Variants in AGBL4 observed in about 807,000 individuals in gnomAD.
AGBL4 encodes the protein AGBL carboxypeptidase 4.
A neutral mutation model predicts 66.4 loss-of-function variants in AGBL4; 58 were observed. The ratio of observed to expected loss-of-function variants is 0.87; its 90% CI spans 0.71 to 1.09. The LOEUF is 1.09. Among genes scored for constraint, AGBL4 ranks in the 50% least tolerant of loss-of-function variants. AGBL4 has a pLI of 0.00. For missense variants in AGBL4, 579 were observed against 631.0 expected, an observed-to-expected ratio of 0.92 and a Z score of 0.88; for synonymous variants, 234 against 222.9, an observed-to-expected ratio of 1.05 and a Z score of -0.44.
chr1:49,699,935 G>C (rs1647055552), intron 2 of AGBL4, among the ~76,000 whole-genome samples: 1 of 151,754 alleles, frequency 6.6e-6, no homozygotes, highest in Non-Finnish European at 1.5e-5. Flanking sequence ...AACTATATGA[G>C]ATAATGAATA....
chr1:49,439,785 C>A (rs1324069120), intron 3 of AGBL4, among the ~76,000 whole-genome samples: 1 of 152,188 alleles, frequency 6.6e-6, no homozygotes, highest in African/African-American at 2.4e-5. Context: ...ACATCAGATG[C>A]CAAGTTCTTC....
chr1:48,970,749 G>A (rs961612581), intron 5 of AGBL4, among the ~76,000 whole-genome samples: 1 of 152,034 alleles, frequency 6.6e-6, no homozygotes, highest in African/African-American at 2.4e-5. Context: ...GCCTTTCCGC[G>A]ACACATATGT....
intron 4 of AGBL4, among the ~76,000 whole-genome samples, chr1:49,075,411 A>C (rs1644690742): frequency 6.6e-6 from 1 of 152,190 alleles, no homozygotes; most frequent in Admixed American, 6.5e-5. Context: ...CCAAAAAATA[A>C]AAATAAATAA....
intron 5 of AGBL4, among the ~76,000 whole-genome samples, chr1:48,981,406 C>A (rs1357243998): frequency 1.3e-5 from 2 of 152,078 alleles, no homozygotes; most frequent in African/African-American, 4.8e-5. Flanking sequence ...TCATTATCCT[C>A]ATTTCTCCAA....
At chr1:49,654,587 C>T (rs191676335) in intron 3 of AGBL4, among the ~76,000 whole-genome samples, 116 of 152,228 alleles carry the variant, frequency 7.6e-4, no homozygotes, top group African/African-American at 2.7e-3. Context: ...TAAGGACTTG[C>T]TTTATGAATC....
chr1:49,631,579 C>A (rs1211193501), intron 3 of AGBL4, among the ~76,000 whole-genome samples: 1 of 152,094 alleles, frequency 6.6e-6, no homozygotes, highest in Non-Finnish European at 1.5e-5. Flanking sequence ...CACCTTGTGC[C>A]AGGAAATATT....
At chr1:49,294,377 G>A (rs1350582013) in intron 3 of AGBL4, among the ~76,000 whole-genome samples, 2 of 152,138 alleles carry the variant, frequency 1.3e-5, no homozygotes, top group Non-Finnish European at 2.9e-5. Flanking sequence ...ACATCATGGG[G>A]AATAAACTGA....
chr1:49,809,835 G>A (rs1193467017), intron 2 of AGBL4, among the ~76,000 whole-genome samples: 1 of 152,042 alleles, frequency 6.6e-6, no homozygotes, highest in Admixed American at 6.6e-5. Context: ...ACTGCTGCTG[G>A]GAAGTTATAA....
intron 1 of AGBL4, among the ~76,000 whole-genome samples, chr1:49,875,658 T>C (rs1268031106): frequency 1.4e-4 from 21 of 148,084 alleles, no homozygotes; most frequent in South Asian, 4.4e-4. Context: ...TTATAGTCAT[T>C]TGGGTATATA....
intron 3 of AGBL4, among the ~76,000 whole-genome samples, chr1:49,291,400 T>A (rs1194524678): frequency 1.3e-5 from 2 of 152,188 alleles, no homozygotes; most frequent in African/African-American, 2.4e-5. Flanking sequence ...ATGTTTTTCA[T>A]GAGCATAGAC....
intron 3 of AGBL4, among the ~76,000 whole-genome samples, chr1:49,644,115 G>A (rs993382441): frequency 4.0e-4 from 61 of 151,662 alleles, no homozygotes; most frequent in African/African-American, 1.5e-3. Context: ...TACACAATAA[G>A]TGGCATAATA....
At position 49,520,918 on chromosome 1, in the gene AGBL4, C is replaced by T. The variant is rs578041366; in HGVS notation, c.282+176395G>A. Among the ~76,000 whole-genome samples, 166 of 151,606 alleles carry T rather than the reference C, an allele frequency of 1.1e-3. 3 individuals carry two copies. In the Middle Eastern group the frequency reaches 0.017, roughly 16 times the overall value. On this transcript the variant is annotated intron_variant, in intron 3 of 13. Coordinates refer to ENST00000371839, the MANE Select transcript of AGBL4 (RefSeq NM_032785.4). Reference sequence around the variant, plus strand: ...TTGTCTCCTGAGTTCAAGCAATTCTCCTGCCTCAGCCTCCCGAGTAGCTGG... The same window carrying T: ...TTGTCTCCTGAGTTCAAGCAATTCTTCTGCCTCAGCCTCCCGAGTAGCTGG...
intron 6 of AGBL4, among the ~76,000 whole-genome samples, chr1:48,734,704 T>C (rs917558882): frequency 1.3e-5 from 2 of 152,216 alleles, no homozygotes; most frequent in South Asian, 4.1e-4. Flanking sequence ...CACATCCAGA[T>C]TGCAGCTCAA....
chr1:48,553,411 C>T (rs1161271658), intron 11 of AGBL4, among the ~76,000 whole-genome samples: 3 of 152,092 alleles, frequency 2.0e-5, no homozygotes, highest in Non-Finnish European at 4.4e-5. Context: ...CTTGGAGTGG[C>T]GGAGAAGAGA....
chr1:49,523,620 A>C (rs945515400), intron 3 of AGBL4, among the ~76,000 whole-genome samples: 1 of 152,122 alleles, frequency 6.6e-6, no homozygotes, highest in Non-Finnish European at 1.5e-5. Flanking sequence ...CTATATTCTG[A>C]AAAGACCCTT....
chr1:48,982,474 G>C (rs1177818001), intron 5 of AGBL4, among the ~76,000 whole-genome samples: 1 of 151,918 alleles, frequency 6.6e-6, no homozygotes, highest in Non-Finnish European at 1.5e-5. Flanking sequence ...GTGATAGTTT[G>C]CTGAGAATGA....
chr1:49,411,149 T>C (rs1645306677), intron 3 of AGBL4, among the ~76,000 whole-genome samples: 1 of 152,190 alleles, frequency 6.6e-6, no homozygotes, highest in Admixed American at 6.5e-5. Flanking sequence ...CAGCCTTCAG[T>C]CTGTGGCTGA....
intron 2 of AGBL4, among the ~76,000 whole-genome samples, chr1:49,822,233 T>C (rs1221881256): frequency 2.0e-5 from 3 of 152,182 alleles, no homozygotes; most frequent in Non-Finnish European, 4.4e-5. Flanking sequence ...AAAGGTATAT[T>C]TCCATCCGGG....
chr1:49,801,671 GCT>G (rs1409640510), intron 2 of AGBL4, among the ~76,000 whole-genome samples: 1 of 152,084 alleles, frequency 6.6e-6, no homozygotes, highest in Non-Finnish European at 1.5e-5. Context: ...TTGCTTTTCT[GCT>G]CTCACTTGTG....
Sources: allele counts gnomAD v4.1 joint callset (sites outside exome capture counted in the v4.1 genomes callset), GRCh38; gene constraint gnomAD v4.1.1; transcripts MANE v1.5; gene names NCBI Gene and HGNC (gene_info 2026-07-23, HGNC 2026-07-21).